The following IRAK1BP1 variants were observed in gnomAD, a reference collection of about 807,000 sequenced individuals.
The protein encoded by IRAK1BP1 is interleukin 1 receptor associated kinase 1 binding protein 1.
In IRAK1BP1, 24 loss-of-function variants were observed where a neutral mutation model predicts 28.0. The observed-to-expected ratio is 0.86, with a 90% CI of 0.62 to 1.20. The LOEUF (loss-of-function observed/expected upper bound fraction) is 1.20, where lower values mean the gene tolerates loss of function less well. Among genes scored for constraint, IRAK1BP1 ranks in the 50% most tolerant of loss-of-function variants. IRAK1BP1 has a pLI of 0.00. For missense variants in IRAK1BP1, 336 were observed against 316.7 expected (o/e 1.06, Z -0.46); for synonymous variants, 131 against 116.3 (o/e 1.13, Z -0.81).
chr6:78,979,027 T>G, the IRAK1BP1 span, among the ~76,000 whole-genome samples: 8 of 152,240 alleles, frequency 5.3e-5, no homozygotes, highest in Non-Finnish European at 7.4e-5. Context: ...ATAAATAATC[T>G]AGAAATGACT....
chr6:78,878,581 G>A (rs1483679448), intron 1 of IRAK1BP1, among the ~76,000 whole-genome samples: 3 of 152,208 alleles, frequency 2.0e-5, no homozygotes, highest in African/African-American at 4.8e-5. Context: ...AAAAATCAGA[G>A]TGCCTTTTCT....
At chr6:78,913,954 T>C (rs1772491480) in intron 4 of IRAK1BP1, among the ~76,000 whole-genome samples, 1 of 152,236 alleles carries the variant, frequency 6.6e-6, no homozygotes, top group Non-Finnish European at 1.5e-5. Flanking sequence ...ATAGAATCTA[T>C]ATTTGTAATC....
At chr6:78,937,698 T>C (rs1008279311) in intron 4 of IRAK1BP1, 1 of 151,678 alleles carries the variant, frequency 6.6e-6, no homozygotes, top group Non-Finnish European at 1.5e-5. Context: ...TAGTTTATAA[T>C]ACATGCAGAA....
At position 78,899,873 on chromosome 6, in the gene IRAK1BP1, A is replaced by C. The variant is rs1210268839; in HGVS notation, c.*1539A>C. 2 of 152,204 alleles carry C rather than the reference A, an allele frequency of 1.3e-5. No individual in the cohort carries two copies. Among genetic ancestry groups the C allele is most frequent in the Non-Finnish European group, 2.9e-5 (2 of 68,024 alleles). 9.4% of individuals were successfully genotyped at this position (152,204 alleles called of 1,614,324 possible). Reference sequence around the variant, plus strand: ...TAATCAGTATTTTTTAAATTGAGATATTTGTTTTATCTTCAAAATTCAGTG... The same window carrying C: ...TAATCAGTATTTTTTAAATTGAGATCTTTGTTTTATCTTCAAAATTCAGTG... On this transcript the variant is annotated 3_prime_UTR_variant, in exon 4 of 4. Coordinates refer to ENST00000369940, the MANE Select transcript of IRAK1BP1 (RefSeq NM_001010844.4).
Position 78,867,692 on chromosome 6 carries a change from A to T in IRAK1BP1, c.116A>T (p.His39Leu). 6.2e-7 allele frequency: 1 copy of T among 1,614,122 alleles called. No individual in the cohort carries two copies. Among genetic ancestry groups the T allele is most frequent in the African/African-American group, 1.3e-5 (1 of 75,028 alleles). ...SGRETLPGLR[H>L]PLSSTQAQTA... is the part of the protein sequence containing the mutation. ...AGAGAGACGCTACCGGGCTTACGCC[A>T]CCCCCTCTCCTCAACACAAGCCCAA... Residue 39 changes from histidine to leucine, a missense_variant, in exon 1 of 4, where the codon CAC becomes CTC. By Grantham distance (99) the His-to-Leu change is moderately conservative (BLOSUM62 -3). Coordinates refer to ENST00000369940, the MANE Select transcript of IRAK1BP1 (RefSeq NM_001010844.4).
At position 78,898,652 on chromosome 6, in the gene IRAK1BP1, C is replaced by T. The variant is rs1469058960; in HGVS notation, c.*318C>T. 6.6e-6 allele frequency: 1 copy of T among 151,444 alleles called. No homozygotes were observed. Among genetic ancestry groups the T allele is most frequent in the Non-Finnish European group, 1.5e-5 (1 of 67,864 alleles). The allele number at this position is 151,444 out of a possible 1,614,324, so 9.4% of individuals were successfully genotyped here. Reference sequence around the variant, plus strand: ...TTATAAGGACAGATATTGACCCTTGCATTTCATAATTTTTAAAGATATTTA... The same window carrying T: ...TTATAAGGACAGATATTGACCCTTGTATTTCATAATTTTTAAAGATATTTA... On this transcript the variant is annotated 3_prime_UTR_variant, in exon 4 of 4. Coordinates refer to ENST00000369940, the MANE Select transcript of IRAK1BP1 (RefSeq NM_001010844.4).
chr6:78,929,239 C>A (rs1772978826), intron 4 of IRAK1BP1, among the ~76,000 whole-genome samples: 1 of 151,984 alleles, frequency 6.6e-6, no homozygotes, highest in African/African-American at 2.4e-5. Context: ...TCAATCTTGG[C>A]AGGTTGTACA....
the IRAK1BP1 span, among the ~76,000 whole-genome samples, chr6:78,971,483 T>C: frequency 6.6e-6 from 1 of 152,216 alleles, no homozygotes; most frequent in South Asian, 2.1e-4. Flanking sequence ...CACTATCCCA[T>C]ACTTTCATTC....
At chr6:78,957,050 A>C in the IRAK1BP1 span, 1 of 152,102 alleles carries the variant, frequency 6.6e-6, no homozygotes, top group African/African-American at 2.4e-5. Flanking sequence ...ATTTTTAAAC[A>C]AACTATACAC....
At chr6:78,948,068 T>G (rs1186862078), downstream of IRAK1BP1, among the ~76,000 whole-genome samples, 1 of 151,410 alleles carries the variant, frequency 6.6e-6, no homozygotes. Context: ...AGTAAAAGAG[T>G]AAGGAAAAAG....
At chr6:78,933,888 A>G (rs1439835766) in intron 4 of IRAK1BP1, among the ~76,000 whole-genome samples, 1 of 152,038 alleles carries the variant, frequency 6.6e-6, no homozygotes, top group Non-Finnish European at 1.5e-5. Context: ...ACTTCCTTCA[A>G]TGACTTTTCC....
intron 2 of IRAK1BP1, among the ~76,000 whole-genome samples, chr6:78,897,526 G>A (rs2127654363): frequency 6.6e-6 from 1 of 152,114 alleles, no homozygotes; most frequent in East Asian, 1.9e-4. Flanking sequence ...CTAGTTATCA[G>A]GATTAAAATT....
chr6:78,878,680 G>A (rs58522960), intron 1 of IRAK1BP1, among the ~76,000 whole-genome samples: 2,173 of 152,272 alleles, frequency 0.014, 55 homozygotes, highest in African/African-American at 0.049. Flanking sequence ...GGCTTCAGAC[G>A]ATCGGTAATA....
At chr6:78,935,503 C>T (rs1323182171) in intron 4 of IRAK1BP1, 7 of 978,714 alleles carry the variant, frequency 7.2e-6, no homozygotes, top group Non-Finnish European at 7.3e-6. Context: ...AAGTGTTCCA[C>T]TGAAATGTAT....
At position 78,886,021 on chromosome 6, in the gene IRAK1BP1, C is replaced by T. The variant is rs529818927; in HGVS notation, c.381+578C>T. Among the ~76,000 whole-genome samples the T allele has an allele frequency of 3.3e-5, 5 of 152,266 alleles. No individual in the cohort carries two copies. The East Asian group carries it at 9.6e-4, about 29-fold the overall frequency. ...GTATGTTCTAGTGGTGGTTAGGTTA[C>T]AGGACTGCTGTTTCTGATTCCAAAC... On this transcript the variant is annotated intron_variant, in intron 2 of 3. Transcript: ENST00000369940.
chr6:78,903,139 A>G, downstream of IRAK1BP1: 1 of 1,159,634 alleles, frequency 8.6e-7, no homozygotes, highest in Non-Finnish European at 1.2e-6. Flanking sequence ...AGAGTGAGAA[A>G]AAGAAGACTA....
At chr6:78,933,766 G>C (rs1288326913) in intron 4 of IRAK1BP1, among the ~76,000 whole-genome samples, 1 of 151,662 alleles carries the variant, frequency 6.6e-6, no homozygotes, top group Non-Finnish European at 1.5e-5. Flanking sequence ...TGGCTTCAGG[G>C]AATATTGTGG....
rs148821643 is a variant in IRAK1BP1 at position 78,872,434 on chromosome 6, G to A, written c.315+4543G>A. The stretch of plus-strand genomic sequence containing the variant: ...AAATGGTCACAACATGAATGTCCTC[G>A]TAAGCTATATATTTATACATGTCCT... On this transcript the variant is annotated intron_variant, in intron 1 of 3. Coordinates refer to ENST00000369940, the MANE Select transcript of IRAK1BP1 (RefSeq NM_001010844.4). Among the ~76,000 whole-genome samples, 114 of 152,242 alleles carry A rather than the reference G, an allele frequency of 7.5e-4. 2 individuals carry two copies. In the East Asian group the frequency reaches 0.018, roughly 24 times the overall value.
downstream of IRAK1BP1, among the ~76,000 whole-genome samples, chr6:78,951,395 T>C (rs1774139084): frequency 6.6e-6 from 1 of 152,174 alleles, no homozygotes; most frequent in African/African-American, 2.4e-5. Context: ...TTTTAACATC[T>C]TGCTTTGAAT....
Sources: allele counts gnomAD v4.1 joint callset (sites outside exome capture counted in the v4.1 genomes callset), GRCh38; gene constraint gnomAD v4.1.1; transcripts MANE v1.5; gene names NCBI Gene and HGNC (gene_info 2026-07-23, HGNC 2026-07-21).